BSDC1: variants seen among roughly 807,000 people sequenced by gnomAD.
BSDC1 encodes BSD domain-containing protein 1.
Under a neutral mutation model 56.0 loss-of-function variants are expected in BSDC1, and 29 were observed. That is an observed-to-expected ratio of 0.52 (90% CI 0.39 to 0.71). BSDC1 has a LOEUF of 0.71. Ranked by LOEUF, BSDC1 falls within the 30% of genes least tolerant of loss-of-function variation. The probability of loss-of-function intolerance (pLI) is 0.00; values close to 1 mark genes in which losing one functional copy is unlikely to be tolerated. For missense variants in BSDC1, 477 were observed against 548.5 expected (o/e 0.87, Z 1.30); for synonymous variants, 210 against 215.3 (o/e 0.98, Z 0.21).
At chr1:32,382,022 T>G (rs1642493807) in intron 4 of BSDC1, among the ~76,000 whole-genome samples, 1 of 151,728 alleles carries the variant, frequency 6.6e-6, no homozygotes, top group East Asian at 1.9e-4. Flanking sequence ...AGGTCTGGAG[T>G]TCAAAACCAG....
In BSDC1 at chr1:32,376,466, C is replaced by T. The variant is rs1642289250; in HGVS notation, c.952G>A (p.Gly318Ser). The T allele has an allele frequency of 6.2e-7, 1 of 1,612,428 alleles. No homozygotes were observed. The highest frequency in any genetic ancestry group is 1.7e-5 in the Admixed American group (1 of 59,922). Residue 318 changes from glycine (G) to serine (S), a missense_variant, in exon 9 of 11, where the codon GGC becomes AGC. Transcript: ENST00000455895. ...KLLEASLEEQ[G>S]LAVDVGETGP... Reference sequence around the variant, plus strand: ...GTCTCACCCACATCCACAGCCAGGCCCTGTTCCTCCAAGGATGCCTCTAGC... The same window carrying T: ...GTCTCACCCACATCCACAGCCAGGCTCTGTTCCTCCAAGGATGCCTCTAGC...
In BSDC1 at chr1:32,378,246, C is replaced by T. The variant is rs1468516184; in HGVS notation, c.566G>A (p.Arg189Gln). ...AAVSHSEFWH[R>Q]YFYKVHQLEQ... ...TAACTGATGGACTTTATAGAAATAC[C>T]GATGCCAGAATTCTGAATGGGAAAC... The change falls in exon 7 of 11, where the codon CGG becomes CAG. Residue 189 changes from arginine to glutamine, a missense_variant. Transcript: ENST00000455895. The surrounding 1 kb of genome is among the most constrained non-coding windows in gnomAD (Gnocchi z 5.2). 1.9e-6 allele frequency: 3 copies of T among 1,614,160 alleles called. No individual in the cohort carries two copies. Among genetic ancestry groups the T allele is most frequent in the East Asian group, 2.2e-5 (1 of 44,878 alleles).
intron 10 of BSDC1, chr1:32,367,983 A>G (rs1033339628): frequency 3.4e-4 from 381 of 1,109,724 alleles, no homozygotes; most frequent in Admixed American, 1.6e-3. Flanking sequence ...ATACCTGAGG[A>G]CCACAACTCA....
rs1358849223 is a variant in BSDC1, at chr1:32,394,074, G to T, written c.72+6C>A. ...CTGAGGGAAGAAGGGCACGGGCCCGGCTTACCTTCTCTTTGACTGCTTGGT... is the reference window on the plus strand; with the variant it reads ...CTGAGGGAAGAAGGGCACGGGCCCGTCTTACCTTCTCTTTGACTGCTTGGT... On this transcript the variant is annotated splice_donor_region_variant and intron_variant, in intron 2 of 10. Coordinates refer to ENST00000455895, the MANE Select transcript of BSDC1 (RefSeq NM_018045.8). The T allele has an allele frequency of 1.2e-6, 2 of 1,607,074 alleles. No homozygotes were observed. The highest frequency in any genetic ancestry group is 2.7e-5 in the African/African-American group (2 of 74,768).
At chr1:32,367,893 G>A (rs1418257150) in intron 10 of BSDC1, 2 of 1,009,372 alleles carry the variant, frequency 2.0e-6, no homozygotes, top group African/African-American at 3.5e-5. Context: ...GAGGAACCAG[G>A]GGCTCAGGTT....
At chr1:32,372,261 T>C (rs1642119261) in intron 9 of BSDC1, among the ~76,000 whole-genome samples, 1 of 152,236 alleles carries the variant, frequency 6.6e-6, no homozygotes. Context: ...CCTACATCCC[T>C]CTGTGCCTTC....
chr1:32,393,732 T>G (rs1642947449), intron 2 of BSDC1: 1 of 307,944 alleles, frequency 3.2e-6, no homozygotes. Context: ...ACGAGTAAGT[T>G]TTTTTACTGC....
rs1257813620 is a variant in BSDC1, at chr1:32,365,467, C to A, written c.*1155G>T. 6.6e-6 allele frequency: 1 copy of A among 152,514 alleles called. No individual in the cohort carries two copies. The highest frequency in any genetic ancestry group is 1.5e-5 in the Non-Finnish European group (1 of 68,034). 9.4% of individuals were successfully genotyped at this position (152,514 alleles called of 1,614,324 possible). ...TCCCTGACCCACGATCCCTTTCACT[C>A]ATTGGTGAGCACACCAGATTAGGTA... On this transcript the variant is annotated 3_prime_UTR_variant, in exon 11 of 11. Transcript: ENST00000455895.
chr1:32,376,390 G>C lies in BSDC1; in HGVS notation c.1028C>G (p.Thr343Ser). ...HSKPLTPAGH[T>S]GGPEPRPPAR... ...TGGAGGCCTGGGCTCTGGGCCGCCG[G>C]TGTGGCCAGCAGGCGTTAGGGGCTT... The change falls in exon 9 of 11, where the codon ACC becomes AGC. Residue 343 changes from threonine (T) to serine (S), a missense_variant. Physicochemically the swap from Thr to Ser is moderately conservative, Grantham distance 58. Transcript: ENST00000455895. 6.2e-7 allele frequency: 1 copy of C among 1,613,800 alleles called. No homozygotes were observed. The highest frequency in any genetic ancestry group is 8.5e-7 in the Non-Finnish European group (1 of 1,179,720).
At chr1:32,375,971 A>C (rs1265000071) in intron 9 of BSDC1, among the ~76,000 whole-genome samples, 1 of 152,204 alleles carries the variant, frequency 6.6e-6, no homozygotes, top group Non-Finnish European at 1.5e-5. Context: ...TGAGGACAAT[A>C]ATACTGAGAA....
chr1:32,375,034 C>T (rs1642226337), intron 9 of BSDC1, among the ~76,000 whole-genome samples: 1 of 152,160 alleles, frequency 6.6e-6, no homozygotes. Context: ...CGCCTGTAGT[C>T]CCAGCTACTC....
chr1:32,369,327 G>A (rs1349994286), intron 9 of BSDC1: 1 of 1,288,702 alleles, frequency 7.8e-7, no homozygotes, highest in Non-Finnish European at 1.0e-6. Context: ...ACAGTGAACT[G>A]AGACCTTGTC....
rs1334078630 is a variant in BSDC1, at chr1:32,394,120, C to T, written c.32G>A (p.Arg11Gln). MAEGEDVGWW[R>Q]SWLQQSYQAV... ...TTGGTAGCTCTGCTGCAGCCAGCTC[C>T]GCCACCATCCCACGTCCTCCCTGTG... The change falls in exon 2 of 11, where the codon CGG (arginine) becomes CAG (glutamine). Residue 11 changes from arginine to glutamine, a missense_variant. Physicochemically the swap from Arg to Gln is conservative, Grantham distance 43. Coordinates refer to ENST00000455895, the MANE Select transcript of BSDC1 (RefSeq NM_018045.8). The T allele has an allele frequency of 6.2e-7, 1 of 1,609,798 alleles. No homozygotes were observed. Among genetic ancestry groups the T allele is most frequent in the African/African-American group, 1.3e-5 (1 of 74,948 alleles).
intron 5 of BSDC1, among the ~76,000 whole-genome samples, chr1:32,380,079 G>T (rs370474147): frequency 8.5e-5 from 13 of 152,310 alleles, no homozygotes; most frequent in African/African-American, 2.4e-4. Context: ...ATTTTCAATA[G>T]ATTTGTAAAG....
rs1050759804 is a variant in BSDC1, at chr1:32,369,369, T to C, written c.1157-819A>G. 4 of 1,155,176 alleles carry C rather than the reference T, an allele frequency of 3.5e-6. No individual in the cohort carries two copies. In the African/African-American group the frequency reaches 4.8e-5, roughly 14 times the overall value. The allele number at this position is 1,155,176 out of a possible 1,614,324, so 71.6% of individuals were successfully genotyped here. A position where few individuals can be genotyped will look rare whatever the true frequency, so the allele number is the denominator to read the frequency against. ...AAAAAATTTAAAAATTAGCCAGGCATGGTAGTACACACCTAAGGAGTCCCA... is the reference window on the plus strand; with the variant it reads ...AAAAAATTTAAAAATTAGCCAGGCACGGTAGTACACACCTAAGGAGTCCCA... On this transcript the variant is annotated intron_variant, in intron 9 of 10. Transcript: ENST00000455895.
intron 2 of BSDC1, among the ~76,000 whole-genome samples, chr1:32,389,345 A>G (rs1363157489): frequency 1.3e-5 from 2 of 152,230 alleles, no homozygotes; most frequent in African/African-American, 4.8e-5. Flanking sequence ...GTTCCCCAGT[A>G]TCTGACACAG....
chr1:32,368,599 G>T (rs753578458), intron 9 of BSDC1, 49 bp from the exon 10 acceptor site: 1 of 1,611,294 alleles, frequency 6.2e-7, no homozygotes, highest in Admixed American at 1.7e-5. Context: ...CAGGGAAGGG[G>T]CACCTGAAGA....
chr1:32,376,322 G>C lies in BSDC1; in HGVS notation c.1096C>G (p.Arg366Gly), dbSNP rs140093699. Reference protein sequence around the residue: ...TLREEAPTDLRVFELNSDSGK... With the variant: ...TLREEAPTDLGVFELNSDSGK... ...CTATCCGAGTTCAGCTCAAACACCC[G>C]TAAGTCTGTGGGCGCCTCCTCCCTC... is the stretch of plus-strand genomic sequence containing the variant. Residue 366 changes from arginine (R) to glycine (G), a missense_variant, in exon 9 of 11, where the codon CGG becomes GGG. Physicochemically the swap from Arg to Gly is moderately radical, Grantham distance 125. Coordinates refer to ENST00000455895, the MANE Select transcript of BSDC1 (RefSeq NM_018045.8). The C allele has an allele frequency of 9.4e-6, 15 of 1,601,200 alleles. No homozygotes were observed. The highest frequency in any genetic ancestry group is 5.4e-5 in the African/African-American group (4 of 74,512).
chr1:32,381,278 AAGG>A lies in BSDC1; in HGVS notation c.358-13_358-11del. On this transcript the variant is annotated splice_polypyrimidine_tract_variant and intron_variant, in intron 4 of 10. Transcript: ENST00000455895. ...GGCTATAGAGGCGAGCCTGTAAGAA[AAGG>A]AGAAGAGGAAAACAGAAATTCTGAG... The A allele has an allele frequency of 3.1e-6, 5 of 1,613,412 alleles. No homozygotes were observed. The highest frequency in any genetic ancestry group is 4.2e-6 in the Non-Finnish European group (5 of 1,179,620).
Sources: gnomAD v4.1 joint callset for allele counts (sites outside exome capture counted in the v4.1 genomes callset) on GRCh38, gnomAD v4.1.1 for gene constraint, Gnocchi (gnomAD v3.1) non-coding constraint, MANE v1.5 for transcripts, NCBI Gene and HGNC (gene_info 2026-07-23, HGNC 2026-07-21) for gene names.